The following BACH2 variants were observed in gnomAD, a reference collection of about 807,000 sequenced individuals.
BACH2 encodes the protein BACH transcriptional regulator 2, also known as transcription regulator protein BACH2.
In BACH2, 5 loss-of-function variants were observed where a neutral mutation model predicts 61.8. That is an observed-to-expected ratio of 0.08 (90% CI 0.04 to 0.17). BACH2 has a LOEUF of 0.17. BACH2 is among the 10% of genes least tolerant of loss of function. The probability of loss-of-function intolerance (pLI) is 1.00; values close to 1 mark genes in which losing one functional copy is unlikely to be tolerated. For missense variants in BACH2, 824 were observed against 1,091.1 expected (o/e 0.76, Z 3.45); for synonymous variants, 446 against 440.1 (o/e 1.01, Z -0.17).
At chr6:90,113,191 A>C (rs1200285204) in intron 4 of BACH2, among the ~76,000 whole-genome samples, 1 of 152,194 alleles carries the variant, frequency 6.6e-6, no homozygotes, top group East Asian at 1.9e-4. Context: ...TATTAGACAG[A>C]TCATTGAGGT....
chr6:90,115,235 C>T (rs560324585), intron 4 of BACH2, among the ~76,000 whole-genome samples: 190 of 152,104 alleles, frequency 1.2e-3, no homozygotes, highest in African/African-American at 4.4e-3. Context: ...ACAAAAAGAA[C>T]AAAGCCTGAG....
At chr6:89,985,321 G>A (rs1273828816) in intron 6 of BACH2, among the ~76,000 whole-genome samples, 8 of 152,148 alleles carry the variant, frequency 5.3e-5, no homozygotes, top group Non-Finnish European at 5.9e-5. Flanking sequence ...ATCTGCTGGC[G>A]GGGCTGGTGG....
intron 3 of BACH2, chr6:90,218,097 C>T (rs1194285537): frequency 6.6e-6 from 1 of 152,168 alleles, no homozygotes; most frequent in Non-Finnish European, 1.5e-5. Context: ...TTCCTGTTCT[C>T]CCTCCTCTGC....
intron 4 of BACH2, among the ~76,000 whole-genome samples, chr6:90,179,282 A>G (rs1768078164): frequency 6.6e-6 from 1 of 152,246 alleles, no homozygotes; most frequent in African/African-American, 2.4e-5. Context: ...GAAGATTTTA[A>G]TGACGAAACA....
chr6:90,121,025 G>A (rs1440720315), intron 4 of BACH2, among the ~76,000 whole-genome samples: 1 of 152,136 alleles, frequency 6.6e-6, no homozygotes, highest in Non-Finnish European at 1.5e-5. Context: ...AAAGATTGGG[G>A]AAATAATAAA....
chr6:90,027,910 A>G (rs916352776), intron 5 of BACH2, among the ~76,000 whole-genome samples: 1 of 152,204 alleles, frequency 6.6e-6, no homozygotes, highest in African/African-American at 2.4e-5. Flanking sequence ...TTGTAATTCT[A>G]CATATGCTGA....
intron 1 of BACH2, among the ~76,000 whole-genome samples, chr6:90,274,381 A>G (rs1013486285): frequency 6.6e-6 from 1 of 152,248 alleles, no homozygotes; most frequent in Non-Finnish European, 1.5e-5. Context: ...AATTGAAAAG[A>G]CTTTTCATAC....
At chr6:90,160,120 C>A (rs1332339013) in intron 4 of BACH2, among the ~76,000 whole-genome samples, 3 of 152,124 alleles carry the variant, frequency 2.0e-5, no homozygotes, top group Non-Finnish European at 4.4e-5. Flanking sequence ...AAGGGAGTTA[C>A]CATAGAAACA....
At chr6:90,126,409 C>A (rs943951109) in intron 4 of BACH2, among the ~76,000 whole-genome samples, 1 of 152,042 alleles carries the variant, frequency 6.6e-6, no homozygotes, top group African/African-American at 2.4e-5. Flanking sequence ...ACGGCACGGG[C>A]AGAAGAGAAA....
chr6:90,296,571 T>C lies in BACH2; in HGVS notation c.-537A>G. 6.6e-6 allele frequency: 1 copy of C among 151,698 alleles called. No individual in the cohort carries two copies. Among genetic ancestry groups the C allele is most frequent in the Non-Finnish European group, 1.5e-5 (1 of 67,826 alleles). 9.4% of individuals were successfully genotyped at this position (151,698 alleles called of 1,614,324 possible). On this transcript the variant is annotated 5_prime_UTR_variant, in exon 1 of 9. Transcript: ENST00000257749. ...TCCCGGCAGCCGGCGAGGTGGGCAG[T>C]TCGTGGGTCACCGAAAGCTCGCGGA... is the stretch of plus-strand genomic sequence containing the variant.
intron 4 of BACH2, among the ~76,000 whole-genome samples, chr6:90,203,542 T>G (rs1009806953): frequency 4.6e-5 from 7 of 152,022 alleles, no homozygotes; most frequent in African/African-American, 1.7e-4. Flanking sequence ...TTTGGGAGAA[T>G]GCACACCCTG....
chr6:90,027,319 G>A (rs1166542821), intron 5 of BACH2, among the ~76,000 whole-genome samples: 1 of 152,112 alleles, frequency 6.6e-6, no homozygotes, highest in African/African-American at 2.4e-5. Flanking sequence ...TCAGAATGAC[G>A]ATTATTGTGA....
chr6:90,145,861 G>C (rs1396244088), intron 4 of BACH2, among the ~76,000 whole-genome samples: 2 of 152,190 alleles, frequency 1.3e-5, no homozygotes, highest in East Asian at 1.9e-4. Flanking sequence ...CAGTGTAGAA[G>C]GCAGCTGGGG....
chr6:89,985,938 G>A (rs561649298), intron 6 of BACH2, among the ~76,000 whole-genome samples: 2 of 152,362 alleles, frequency 1.3e-5, no homozygotes, highest in Admixed American at 6.5e-5. Context: ...CCAAAGTACA[G>A]CTGTGGGAAG....
intron 4 of BACH2, among the ~76,000 whole-genome samples, chr6:90,169,764 G>A (rs1249358351): frequency 1.3e-5 from 2 of 152,288 alleles, no homozygotes; most frequent in Admixed American, 6.5e-5. Context: ...TGCCCTGTTT[G>A]TCAGTTTTTG....
intron 4 of BACH2, among the ~76,000 whole-genome samples, chr6:90,191,530 G>A (rs1366023309): frequency 6.6e-6 from 1 of 152,136 alleles, no homozygotes; most frequent in Non-Finnish European, 1.5e-5. Flanking sequence ...CAACAAATAC[G>A]CTTAGGACAT....
At position 89,932,220 on chromosome 6, in the gene BACH2, G is replaced by T; in HGVS notation, c.*188C>A. The T allele has an allele frequency of 1.3e-6, 1 of 768,426 alleles. No individual in the cohort carries two copies. The highest frequency in any genetic ancestry group is 1.7e-5 in the African/African-American group (1 of 57,652). The allele number at this position is 768,426 out of a possible 1,614,324, so 47.6% of individuals were successfully genotyped here. A position where few individuals can be genotyped will look rare whatever the true frequency, so the allele number is the denominator to read the frequency against. On this transcript the variant is annotated 3_prime_UTR_variant, in exon 9 of 9. Transcript: ENST00000257749. ...CCTGGGCAAGGGGTAGCACCATTGT[G>T]AAGGTAACTATCACTCCTGCTCGAG...
chr6:90,015,086 T>A (rs1380926459), intron 5 of BACH2, among the ~76,000 whole-genome samples: 2 of 152,100 alleles, frequency 1.3e-5, no homozygotes, highest in African/African-American at 4.8e-5. Flanking sequence ...CCAGCCCATA[T>A]ATAGTTTTTA....
chr6:90,016,613 G>A (rs1778078639), intron 5 of BACH2, among the ~76,000 whole-genome samples: 1 of 151,940 alleles, frequency 6.6e-6, no homozygotes, highest in Non-Finnish European at 1.5e-5. Context: ...CTTGTTACTT[G>A]TTAAAACCCC....
Sources: gnomAD v4.1 joint callset for allele counts (sites outside exome capture counted in the v4.1 genomes callset) on GRCh38, gnomAD v4.1.1 for gene constraint, MANE v1.5 for transcripts, NCBI Gene and HGNC (gene_info 2026-07-23, HGNC 2026-07-21) for gene names.